The following RRBP1 variants were observed in gnomAD, a reference collection of about 807,000 sequenced individuals.
RRBP1 encodes ribosome binding protein 1.
A neutral mutation model predicts 165.2 loss-of-function variants in RRBP1; 94 were observed. The ratio of observed to expected loss-of-function variants is 0.57; its 90% CI spans 0.48 to 0.68. The LOEUF is 0.68. Ranked by LOEUF, RRBP1 falls within the 30% of genes least tolerant of loss-of-function variation. The probability of loss-of-function intolerance (pLI) is 0.00; values close to 1 mark genes in which losing one functional copy is unlikely to be tolerated. For missense variants in RRBP1, 1,676 were observed against 1,763.0 expected, an observed-to-expected ratio of 0.95 and a Z score of 0.88; for synonymous variants, 680 against 714.5, an observed-to-expected ratio of 0.95 and a Z score of 0.77.
chr20:17,633,662 A>T (rs1458918239), intron 7 of RRBP1, 49 bp from the exon 8 acceptor site: 2 of 1,594,490 alleles, frequency 1.3e-6, no homozygotes, highest in African/African-American at 2.7e-5. Context: ...GGGTGATGGG[A>T]TCGGTGGTCC....
chr20:17,614,935 C>T, intron 23 of RRBP1, 55 bp from the exon 24 acceptor site: 1 of 1,590,416 alleles, frequency 6.3e-7, no homozygotes, highest in Non-Finnish European at 8.6e-7. Context: ...GAGGGCCACC[C>T]CAGCTATGCC....
chr20:17,625,426 G>C (rs1018122393), intron 12 of RRBP1, 86 bp downstream of exon 12: 5 of 1,171,070 alleles, frequency 4.3e-6, no homozygotes. Flanking sequence ...CCCGAGTCCA[G>C]GGCGGGTGCC....
intron 5 of RRBP1, among the ~76,000 whole-genome samples, chr20:17,640,351 G>A (rs530038286): frequency 6.6e-6 from 1 of 152,354 alleles, no homozygotes; most frequent in South Asian, 2.1e-4. Flanking sequence ...CAAGGGAAGA[G>A]CAAGAGGAGA....
chr20:17,651,042 G>C (rs918253011), intron 3 of RRBP1, among the ~76,000 whole-genome samples: 1 of 152,200 alleles, frequency 6.6e-6, no homozygotes, highest in Non-Finnish European at 1.5e-5. Flanking sequence ...ACAGTACCCG[G>C]AACACGGGGA....
At chr20:17,671,493 T>C (rs1409923217) in intron 2 of RRBP1, among the ~76,000 whole-genome samples, 1 of 152,208 alleles carries the variant, frequency 6.6e-6, no homozygotes, top group Non-Finnish European at 1.5e-5. Flanking sequence ...CAAATCAGCT[T>C]GGAGTTTCCC....
intron 19 of RRBP1, chr20:17,619,303 C>T (rs908431620): frequency 3.7e-6 from 1 of 268,996 alleles, no homozygotes; most frequent in African/African-American, 2.2e-5. Flanking sequence ...GATCTAAATC[C>T]ACTCCCCACC....
intron 2 of RRBP1, among the ~76,000 whole-genome samples, chr20:17,676,231 A>G (rs2037079633): frequency 6.6e-6 from 1 of 152,072 alleles, no homozygotes; most frequent in South Asian, 2.1e-4. Context: ...AAAAGGTAAG[A>G]GCTGTTTGGA....
chr20:17,674,676 C>T (rs2037042026), intron 2 of RRBP1, among the ~76,000 whole-genome samples: 1 of 152,016 alleles, frequency 6.6e-6, no homozygotes, highest in Admixed American at 6.5e-5. Flanking sequence ...AGGAGAATGG[C>T]ATGAACCTGA....
At chr20:17,620,441 A>G (rs112242875) in intron 17 of RRBP1, 71 bp from the exon 18 acceptor site, 2 of 1,417,418 alleles carry the variant, frequency 1.4e-6, no homozygotes, top group Middle Eastern at 3.5e-4. Context: ...CCATGCTAGG[A>G]CCCGAGCGGG....
intron 7 of RRBP1, 62 bp from the exon 8 acceptor site, chr20:17,633,675 G>A: frequency 6.4e-7 from 1 of 1,563,732 alleles, no homozygotes; most frequent in South Asian, 1.2e-5. Context: ...GGTGGTCCAA[G>A]CCCTCCCTCC....
intron 9 of RRBP1, among the ~76,000 whole-genome samples, chr20:17,627,987 C>T (rs1230866107): frequency 6.6e-6 from 1 of 152,202 alleles, no homozygotes; most frequent in African/African-American, 2.4e-5. Context: ...AAAGATTCAT[C>T]TTCTAGAAGA....
intron 4 of RRBP1, 42 bp from the exon 5 acceptor site, chr20:17,641,961 G>A (rs746536258): frequency 4.4e-6 from 7 of 1,592,078 alleles, no homozygotes; most frequent in Non-Finnish European, 6.0e-6. Context: ...GGACAAATGG[G>A]ACTTGGCTCA....
intron 2 of RRBP1, among the ~76,000 whole-genome samples, chr20:17,665,521 G>A (rs2036853397): frequency 6.6e-6 from 1 of 152,154 alleles, no homozygotes; most frequent in Non-Finnish European, 1.5e-5. Context: ...ACAGGCGTGT[G>A]TCACCACGCC....
chr20:17,674,460 T>C (rs901999929), intron 2 of RRBP1, among the ~76,000 whole-genome samples: 3 of 151,698 alleles, frequency 2.0e-5, no homozygotes, highest in African/African-American at 7.3e-5. Context: ...CAAAATGTAA[T>C]GCCAACTATA....
intron 5 of RRBP1, 150 bp from the exon 6 acceptor site, chr20:17,636,879 G>A (rs186411532): frequency 2.2e-6 from 2 of 925,530 alleles, no homozygotes; most frequent in African/African-American, 1.7e-5. Flanking sequence ...ACTCAAGCCA[G>A]CTGCAGTGGG....
chr20:17,666,760 G>C (rs764081534), intron 2 of RRBP1, among the ~76,000 whole-genome samples: 1 of 152,222 alleles, frequency 6.6e-6, no homozygotes, highest in Non-Finnish European at 1.5e-5. Context: ...TTTACTACCA[G>C]TGTCGTACCA....
At chr20:17,676,142 G>GT (rs2037078085) in intron 2 of RRBP1, among the ~76,000 whole-genome samples, 1 of 152,230 alleles carries the variant, frequency 6.6e-6, no homozygotes, top group African/African-American at 2.4e-5. Flanking sequence ...CTGCAATGTT[G>GT]TAACTGCAGT....
intron 2 of RRBP1, among the ~76,000 whole-genome samples, chr20:17,665,111 T>TGGG (rs3838382): frequency 4.6e-5 from 7 of 150,996 alleles, no homozygotes; most frequent in East Asian, 3.9e-4. Flanking sequence ...CATATATATG[T>TGGG]GGGGGGGGGA....
rs750434091 is a variant in RRBP1 at position 17,641,777 on chromosome 20, C to T, written c.2184+20G>A. On this transcript the variant is annotated intron_variant, in intron 5 of 24. Transcript: ENST00000377813. ...AGGACGGGAGAGGACAAACCATCTC[C>T]GAGCCCACTCAGGCTGTACCTTGTT... 27 of 1,610,682 alleles carry T rather than the reference C, an allele frequency of 1.7e-5. No homozygotes were observed. The East Asian group carries it at 1.8e-4, about 11-fold the overall frequency.
Sources: gnomAD v4.1 joint callset for allele counts (sites outside exome capture counted in the v4.1 genomes callset) on GRCh38, gnomAD v4.1.1 for gene constraint, MANE v1.5 for transcripts, NCBI Gene and HGNC (gene_info 2026-07-23, HGNC 2026-07-21) for gene names.